The following ADAM22 variants were observed in gnomAD, a reference collection of about 807,000 sequenced individuals.
The protein encoded by ADAM22 is disintegrin and metalloproteinase domain-containing protein 22.
ADAM22 carries 65 observed loss-of-function variants against 144.6 expected under a neutral mutation model. The ratio of observed to expected loss-of-function variants is 0.45; its 90% CI spans 0.37 to 0.55. The LOEUF (loss-of-function observed/expected upper bound fraction) is 0.55, where lower values mean the gene tolerates loss of function less well. Ranked by LOEUF, ADAM22 falls within the 20% of genes least tolerant of loss-of-function variation. The pLI is 0.00. For missense variants in ADAM22, 974 were observed against 1,184.9 expected (o/e 0.82, Z 2.61); for synonymous variants, 391 against 412.6 (o/e 0.95, Z 0.63).
chr7:88,193,058 A>G lies in ADAM22; in HGVS notation c.2751-58A>G, dbSNP rs928142832. 5.0e-5 allele frequency: 80 copies of G among 1,607,320 alleles called. 1 individual carries two copies. The Admixed American group carries it at 7.7e-4, about 15-fold the overall frequency. ...GGTTTGTTCTGAACACACTTTTCAG[A>G]TATTTGAAAAATGTTAGGCAATCAC... is the stretch of plus-strand genomic sequence containing the variant. On this transcript the variant is annotated intron_variant, in intron 30 of 31. Coordinates refer to ENST00000413139, the MANE Select transcript of ADAM22 (RefSeq NM_001324418.2).
chr7:88,194,189 C>G (rs1354948449), intron 31 of ADAM22, among the ~76,000 whole-genome samples: 2 of 152,148 alleles, frequency 1.3e-5, no homozygotes, highest in Non-Finnish European at 1.5e-5. Flanking sequence ...TGTAGCAACC[C>G]ACTTTCTGCT....
At chr7:88,175,910 A>G (rs1402824213) in intron 26 of ADAM22, among the ~76,000 whole-genome samples, 1 of 152,218 alleles carries the variant, frequency 6.6e-6, no homozygotes, top group Non-Finnish European at 1.5e-5. Context: ...TATGTAATTA[A>G]TAATTGTAAA....
At chr7:88,123,357 C>A (rs1829739596) in intron 7 of ADAM22, among the ~76,000 whole-genome samples, 1 of 151,692 alleles carries the variant, frequency 6.6e-6, no homozygotes, top group Admixed American at 6.6e-5. Flanking sequence ...TGGTAGAATT[C>A]ATCAGTGAAG....
intron 3 of ADAM22, among the ~76,000 whole-genome samples, chr7:87,985,268 G>A (rs990252277): frequency 6.7e-6 from 1 of 150,008 alleles, no homozygotes; most frequent in Non-Finnish European, 1.5e-5. Flanking sequence ...AGCCGAGATC[G>A]CACCACTGCA....
intron 2 of ADAM22, among the ~76,000 whole-genome samples, chr7:87,938,370 C>G (rs1841774401): frequency 6.6e-6 from 1 of 151,806 alleles, no homozygotes. Flanking sequence ...AGGCACCCAC[C>G]ACCATGCCCA....
intron 4 of ADAM22, among the ~76,000 whole-genome samples, 188 bp downstream of exon 4, chr7:88,075,880 T>C (rs956281569): frequency 1.3e-5 from 2 of 152,188 alleles, no homozygotes; most frequent in Non-Finnish European, 2.9e-5. Flanking sequence ...GAAAAAGAAT[T>C]TTTAGGGTAC....
At chr7:88,015,059 C>A (rs1796255868) in intron 3 of ADAM22, among the ~76,000 whole-genome samples, 1 of 152,114 alleles carries the variant, frequency 6.6e-6, no homozygotes, top group South Asian at 2.1e-4. Context: ...TCAACATACA[C>A]TGACATTTCT....
intron 30 of ADAM22, among the ~76,000 whole-genome samples, chr7:88,188,112 T>A (rs901371261): frequency 6.6e-6 from 1 of 152,092 alleles, no homozygotes; most frequent in Non-Finnish European, 1.5e-5. Context: ...TTCTCCTTTC[T>A]GTTTTCCTCA....
chr7:88,097,866 A>G (rs966988017), intron 4 of ADAM22, among the ~76,000 whole-genome samples: 6 of 152,172 alleles, frequency 3.9e-5, no homozygotes, highest in Non-Finnish European at 4.4e-5. Context: ...ATAAAAAGGT[A>G]CAATGATATA....
Position 87,935,144 on chromosome 7 carries a change from C to G in ADAM22, c.204C>G (p.Asp68Glu). 5 of 1,612,866 alleles carry G rather than the reference C, an allele frequency of 3.1e-6. No individual in the cohort carries two copies. The highest frequency in any genetic ancestry group is 4.2e-6 in the Non-Finnish European group (5 of 1,179,520). ...GCGGCGAAGACGAAAGTCGGCACGACGCGCTCGACACGCGGGTGCGGGGCG... is the reference window on the plus strand; with the variant it reads ...GCGGCGAAGACGAAAGTCGGCACGAGGCGCTCGACACGCGGGTGCGGGGCG... Reference protein sequence around the residue: ...RSGGEDESRHDALDTRVRGDL... With the variant: ...RSGGEDESRHEALDTRVRGDL... The change falls in exon 2 of 32, where the codon GAC (aspartate) becomes GAG (glutamate). Residue 68 changes from aspartate (D) to glutamate (E), a missense_variant. Physicochemically the swap from Asp to Glu is conservative, Grantham distance 45 (BLOSUM62 2). Around this residue, in one of 2 missense-constraint regions of ADAM22, gnomAD observed 240 missense variants for 234.3 expected, o/e 1.02. Transcript: ENST00000413139.
intron 27 of ADAM22, 93 bp from the exon 28 acceptor site, chr7:88,181,412 A>T: frequency 2.2e-6 from 2 of 916,792 alleles, no homozygotes; most frequent in Non-Finnish European, 3.4e-6. Context: ...TATTTTATTT[A>T]ATGCACAGTA....
At chr7:87,976,813 G>C (rs897385247) in intron 2 of ADAM22, among the ~76,000 whole-genome samples, 1 of 152,044 alleles carries the variant, frequency 6.6e-6, no homozygotes, top group Non-Finnish European at 1.5e-5. Context: ...ATTATGCCTG[G>C]GGTGGGGAAG....
At chr7:88,114,147 C>T (rs1315378559) in intron 5 of ADAM22, among the ~76,000 whole-genome samples, 5 of 151,962 alleles carry the variant, frequency 3.3e-5, no homozygotes, top group African/African-American at 7.3e-5. Flanking sequence ...TATGGTAGGT[C>T]GGGCGTTCTC....
chr7:88,172,640 CTG>C (rs1473866026), intron 26 of ADAM22, among the ~76,000 whole-genome samples: 2 of 151,854 alleles, frequency 1.3e-5, no homozygotes, highest in Non-Finnish European at 2.9e-5. Context: ...TCTGTAGAAT[CTG>C]TATAAATATA....
At chr7:88,039,080 C>A (rs1282447460) in intron 3 of ADAM22, among the ~76,000 whole-genome samples, 1 of 151,972 alleles carries the variant, frequency 6.6e-6, no homozygotes, top group Non-Finnish European at 1.5e-5. Flanking sequence ...CCAGATTTTT[C>A]CAAGACTATG....
chr7:88,174,936 T>A (rs1845269867), intron 26 of ADAM22, among the ~76,000 whole-genome samples: 1 of 152,116 alleles, frequency 6.6e-6, no homozygotes, highest in Admixed American at 6.6e-5. Context: ...CTGTCAATGT[T>A]ACTTGGTACA....
chr7:88,134,845 A>G (rs755056645), intron 13 of ADAM22, among the ~76,000 whole-genome samples: 44 of 152,104 alleles, frequency 2.9e-4, no homozygotes, highest in Non-Finnish European at 5.9e-4. Context: ...CTTAGTTAAT[A>G]TATGGACCTA....
chr7:88,055,496 T>C (rs1807973456), intron 3 of ADAM22, among the ~76,000 whole-genome samples: 1 of 152,160 alleles, frequency 6.6e-6, no homozygotes, highest in Admixed American at 6.5e-5. Context: ...AGTCTAGACA[T>C]TGATATTTAG....
At chr7:88,114,241 GGA>G (rs1827157360) in intron 5 of ADAM22, among the ~76,000 whole-genome samples, 2 of 152,240 alleles carry the variant, frequency 1.3e-5, no homozygotes, top group South Asian at 4.1e-4. Context: ...ATAAATCTGA[GGA>G]GAGTCCTGAA....
Sources: gnomAD v4.1 joint callset for allele counts (sites outside exome capture counted in the v4.1 genomes callset) on GRCh38, gnomAD v4.1.1 for gene constraint, gnomAD v4.1.1 regional missense constraint, MANE v1.5 for transcripts, NCBI Gene and HGNC (gene_info 2026-07-23, HGNC 2026-07-21) for gene names.